The following LIN28A variants were observed in gnomAD, a reference collection of about 807,000 sequenced individuals.
LIN28A encodes the protein protein lin-28 homolog A.
Under a neutral mutation model 21.1 loss-of-function variants are expected in LIN28A, and 11 were observed. The observed-to-expected ratio is 0.52, with a 90% CI of 0.33 to 0.86. The LOEUF is 0.86. LIN28A is among the 40% of genes least tolerant of loss of function. The pLI is 0.03. For synonymous variants in LIN28A, 111 were observed against 108.7 expected, an observed-to-expected ratio of 1.02 and a Z score of -0.13; for missense variants, 219 against 279.8, an observed-to-expected ratio of 0.78 and a Z score of 1.55.
intron 2 of LIN28A, among the ~76,000 whole-genome samples, chr1:26,422,052 A>G (rs2075031306): frequency 6.9e-6 from 1 of 144,788 alleles, no homozygotes; most frequent in Admixed American, 7.2e-5. Context: ...TCTGTCACCC[A>G]GCCTGGAGCA....
intron 2 of LIN28A, among the ~76,000 whole-genome samples, chr1:26,423,413 C>CTTTTTTTTTTTTTTT (rs1202952934): frequency 0.011 from 857 of 78,920 alleles, 12 homozygotes; most frequent in Non-Finnish European, 0.014. Flanking sequence ...TTTTCTTTTT[C>CTTTTTTTTTTTTTTT]TTTTTTTTTT....
At chr1:26,418,797 G>A (rs542797153) in intron 2 of LIN28A, among the ~76,000 whole-genome samples, 2 of 152,346 alleles carry the variant, frequency 1.3e-5, no homozygotes, top group African/African-American at 4.8e-5. Context: ...AGCCAGAGAA[G>A]GGAGATGGCT....
chr1:26,428,454 A>C lies in LIN28A; in HGVS notation c.*1996A>C, dbSNP rs922248631. On this transcript the variant is annotated 3_prime_UTR_variant, in exon 4 of 4. Coordinates refer to ENST00000326279, the MANE Select transcript of LIN28A (RefSeq NM_024674.6). ...GCTTGGAGTGTCTCCACAACTCTTA[A>C]ATGATGTATGCAAAAATACTGAAGC... The C allele has an allele frequency of 1.3e-5, 2 of 152,158 alleles. No individual in the cohort carries two copies. The highest frequency in any genetic ancestry group is 4.8e-5 in the African/African-American group (2 of 41,424). 9.4% of individuals were successfully genotyped at this position (152,158 alleles called of 1,614,324 possible).
At chr1:26,417,582 G>A (rs774892099) in intron 2 of LIN28A, among the ~76,000 whole-genome samples, 1 of 152,154 alleles carries the variant, frequency 6.6e-6, no homozygotes, top group Admixed American at 6.6e-5. Context: ...ACTCAGCTCA[G>A]CTCTTGCCTC....
chr1:26,415,027 ACT>A (rs942713285), intron 2 of LIN28A, among the ~76,000 whole-genome samples: 6 of 152,114 alleles, frequency 3.9e-5, no homozygotes, highest in African/African-American at 1.4e-4. Flanking sequence ...CAATTTGCAA[ACT>A]CTCAAGATTT....
At position 26,411,408 on chromosome 1, in the gene LIN28A, A is replaced by C. The variant is rs1185488094; in HGVS notation, c.54A>C (p.Glu18Asp). ...CAGGTGGCTGCGCCAAGGCGGCAGA[A>C]GAGGCGCCCGAGGAGGCGCCGGAGG... Reference protein sequence around the residue: ...QFAGGCAKAAEEAPEEAPEDA... With the variant: ...QFAGGCAKAADEAPEEAPEDA... The change falls in exon 2 of 4, where the codon GAA becomes GAC. Residue 18 changes from glutamate to aspartate, a missense_variant. Glu to Asp is a conservative substitution (Grantham distance 45). Around this residue, in one of 3 missense-constraint regions of LIN28A, gnomAD observed 50 missense variants for 49.0 expected, o/e 1.02. Coordinates refer to ENST00000326279, the MANE Select transcript of LIN28A (RefSeq NM_024674.6). The surrounding 1 kb of genome is among the most constrained non-coding windows in gnomAD (Gnocchi z 5.4). The C allele has an allele frequency of 4.4e-6, 7 of 1,600,946 alleles. No individual in the cohort carries two copies. The South Asian group carries it at 7.8e-5, about 18-fold the overall frequency.
At chr1:26,421,355 C>T (rs1414426189) in intron 2 of LIN28A, among the ~76,000 whole-genome samples, 1 of 152,152 alleles carries the variant, frequency 6.6e-6, no homozygotes, top group African/African-American at 2.4e-5. Context: ...CATATTTATT[C>T]AACCATTCCC....
chr1:26,416,583 T>A (rs959433313), intron 2 of LIN28A, among the ~76,000 whole-genome samples: 2 of 152,136 alleles, frequency 1.3e-5, no homozygotes, highest in African/African-American at 2.4e-5. Context: ...GAATACACAG[T>A]TGATACAGAC....
Position 26,426,578 on chromosome 1 carries a change from G to A in LIN28A, c.*120G>A, listed in dbSNP as rs972568456. On this transcript the variant is annotated 3_prime_UTR_variant, in exon 4 of 4. Coordinates refer to ENST00000326279, the MANE Select transcript of LIN28A (RefSeq NM_024674.6). ...GGCACTGCCATGTATCTCAGGCTTG[G>A]GTTCACACCATCACCCTTTCTTCCC... 8.0e-6 allele frequency: 6 copies of A among 745,766 alleles called. No homozygotes were observed. The African/African-American group carries it at 1.1e-4, about 13-fold the overall frequency. 46.2% of individuals were successfully genotyped at this position (745,766 alleles called of 1,614,324 possible).
intron 2 of LIN28A, among the ~76,000 whole-genome samples, chr1:26,414,237 G>A (rs1290431400): frequency 7.3e-6 from 1 of 136,274 alleles, no homozygotes; most frequent in African/African-American, 2.5e-5. Flanking sequence ...GAAGCAGAGG[G>A]TAAGAAATCT....
At chr1:26,422,637 G>A (rs560913450) in intron 2 of LIN28A, among the ~76,000 whole-genome samples, 1 of 152,276 alleles carries the variant, frequency 6.6e-6, no homozygotes, top group African/African-American at 2.4e-5. Flanking sequence ...TAGAAGATAT[G>A]TGTGTCCCAT....
Position 26,426,381 on chromosome 1 carries a change from C to T in LIN28A, c.553C>T (p.Gln185Ter). 1 of 1,614,212 alleles carries T rather than the reference C, an allele frequency of 6.2e-7. No homozygotes were observed. The highest frequency in any genetic ancestry group is 8.5e-7 in the Non-Finnish European group (1 of 1,180,034). Reference protein sequence around the residue: ...PLKAQQGPSAQGKPTYFREEE... With the variant: ...PLKAQQGPSA The stretch of plus-strand genomic sequence containing the variant: ...GAAGGCCCAGCAGGGCCCTAGTGCA[C>T]AGGGAAAGCCAACCTACTTTCGAGA... Residue 185 changes from glutamine to a stop codon, truncating the protein, a stop_gained, in exon 4 of 4, where the codon CAG (glutamine) becomes TAG (stop). Coordinates refer to ENST00000326279, the MANE Select transcript of LIN28A (RefSeq NM_024674.6). LOFTEE classifies it high-confidence loss of function.
rs2075064754 is a variant in LIN28A, at chr1:26,427,191, T to C, written c.*733T>C. 6.5e-6 allele frequency: 1 copy of C among 152,682 alleles called. No individual in the cohort carries two copies. Among genetic ancestry groups the C allele is most frequent in the Admixed American group, 6.5e-5 (1 of 15,278 alleles). The allele number at this position is 152,682 out of a possible 1,614,324, so 9.5% of individuals were successfully genotyped here. On this transcript the variant is annotated 3_prime_UTR_variant, in exon 4 of 4. Transcript: ENST00000326279. ...TTTCCTTAATATAAATATTCTGGTT[T>C]TGTATTTTTGTATATTTTAATCTAA...
At position 26,426,470 on chromosome 1, in the gene LIN28A, TGGG is replaced by T. The variant is rs2075060412; in HGVS notation, c.*15_*17del. 1 of 1,605,796 alleles carries T rather than the reference TGGG, an allele frequency of 6.2e-7. No individual in the cohort carries two copies. The highest frequency in any genetic ancestry group is 1.3e-5 in the African/African-American group (1 of 74,730). On this transcript the variant is annotated 3_prime_UTR_variant, in exon 4 of 4. Coordinates refer to ENST00000326279, the MANE Select transcript of LIN28A (RefSeq NM_024674.6). ...AGGCACAGAATTGAGCCACAATGGG[TGGG>T]GGCTATTCTTTTGCTATCAGGAAGT...
Position 26,411,642 on chromosome 1 carries a change from G to C in LIN28A, c.228+60G>C. 1 of 1,543,162 alleles carries C rather than the reference G, an allele frequency of 6.5e-7. No homozygotes were observed. The highest frequency in any genetic ancestry group is 8.8e-7 in the Non-Finnish European group (1 of 1,133,644). On this transcript the variant is annotated intron_variant, in intron 2 of 3. Coordinates refer to ENST00000326279, the MANE Select transcript of LIN28A (RefSeq NM_024674.6). This position sits in a 1 kb window ranked among gnomAD's most constrained non-coding sequence, Gnocchi z 5.4. ...GGCGTCTAGGCGCCCATATCCACGG[G>C]TGGGCTCCGGGCTCGCAGTTGAATT...
rs1232787514 is a variant in LIN28A at position 26,426,608 on chromosome 1, G to T, written c.*150G>T. On this transcript the variant is annotated 3_prime_UTR_variant, in exon 4 of 4. Coordinates refer to ENST00000326279, the MANE Select transcript of LIN28A (RefSeq NM_024674.6). ...ACACCATCACCCTTTCTTCCCTCTA[G>T]GTGGGGGGAAAGGGTGAGTCAAAGG... 7.6e-6 allele frequency: 5 copies of T among 654,618 alleles called. No individual in the cohort carries two copies. The highest frequency in any genetic ancestry group is 1.4e-5 in the Non-Finnish European group (5 of 367,524). The allele number at this position is 654,618 out of a possible 1,614,324, so 40.6% of individuals were successfully genotyped here. A position where few individuals can be genotyped will look rare whatever the true frequency, so the allele number is the denominator to read the frequency against.
rs747617997 is a variant in LIN28A at position 26,425,350 on chromosome 1, A to G, written c.276A>G (p.Ala92=). The change falls in exon 3 of 4, where the codon GCA becomes GCG. Residue 92 remains alanine, a synonymous_variant. Transcript: ENST00000326279. Reference sequence around the variant, plus strand: ...TCCGGAGCTTGAAGGAGGGTGAGGCAGTGGAGTTCACCTTTAAGAAGTCAG... The same window carrying G: ...TCCGGAGCTTGAAGGAGGGTGAGGCGGTGGAGTTCACCTTTAAGAAGTCAG... ...EGFRSLKEGE[A]VEFTFKKSAK... 1 of 1,614,052 alleles carries G rather than the reference A, an allele frequency of 6.2e-7. No individual in the cohort carries two copies. The highest frequency in any genetic ancestry group is 8.5e-7 in the Non-Finnish European group (1 of 1,180,020).
At chr1:26,414,973 G>T (rs1211674630) in intron 2 of LIN28A, among the ~76,000 whole-genome samples, 1 of 152,012 alleles carries the variant, frequency 6.6e-6, no homozygotes, top group Non-Finnish European at 1.5e-5. Flanking sequence ...TCCTCATTTT[G>T]GGCCATTTTA....
At chr1:26,423,326 A>C (rs1443489600) in intron 2 of LIN28A, among the ~76,000 whole-genome samples, 1 of 150,776 alleles carries the variant, frequency 6.6e-6, no homozygotes, top group East Asian at 2.0e-4. Context: ...ACAGACAGGC[A>C]TGAGCCACTG....
Sources: allele counts gnomAD v4.1 joint callset (sites outside exome capture counted in the v4.1 genomes callset), GRCh38; gene constraint gnomAD v4.1.1; regional missense constraint gnomAD v4.1.1; non-coding constraint Gnocchi (gnomAD v3.1); transcripts MANE v1.5; gene names NCBI Gene and HGNC (gene_info 2026-07-23, HGNC 2026-07-21).